Variants in FUZ observed in about 807,000 individuals in gnomAD.
The protein encoded by FUZ is protein fuzzy homolog.
In FUZ, 31 loss-of-function variants were observed where a neutral mutation model predicts 43.1. The ratio of observed to expected loss-of-function variants is 0.72; its 90% CI spans 0.54 to 0.97. FUZ has a LOEUF of 0.97. Ranked by LOEUF, FUZ falls within the 50% of genes least tolerant of loss-of-function variation. The pLI is 0.00. For missense variants in FUZ, 539 were observed against 543.8 expected (o/e 0.99, Z 0.09); for synonymous variants, 274 against 250.0 (o/e 1.10, Z -0.91).
Position 49,809,217 on chromosome 19 carries a change from C to T in FUZ, c.732G>A (p.Leu244=), listed in dbSNP as rs2073622217. The T allele has an allele frequency of 6.4e-7, 1 of 1,551,154 alleles. No homozygotes were observed. Among genetic ancestry groups the T allele is most frequent in the African/African-American group, 1.4e-5 (1 of 73,060 alleles). The change falls in exon 7 of 11, where the codon CTG becomes CTA. Residue 244 remains leucine, a synonymous_variant. Transcript: ENST00000313777. The surrounding 1 kb of genome is among the most constrained non-coding windows in gnomAD (Gnocchi z 5.1). ...TCGGCCCGCAGAGTAGACACAGCTC[C>T]AGGCTCGGCAGCAGAGTCAGGGTCA... ...RLLTLTLLPS[L]ELCLLCGPSP... is the part of the protein sequence containing the mutation.
Position 49,812,236 on chromosome 19 carries a change from A to G in FUZ, c.318+15T>C. The G allele has an allele frequency of 1.3e-6, 2 of 1,585,656 alleles. No individual in the cohort carries two copies. The highest frequency in any genetic ancestry group is 1.7e-6 in the Non-Finnish European group (2 of 1,154,986). ...ATTCCTGGTCTGGGGAGAAAAGAGGACTGGTGAGTCTCACCATGGCTCCAA... is the reference window on the plus strand; with the variant it reads ...ATTCCTGGTCTGGGGAGAAAAGAGGGCTGGTGAGTCTCACCATGGCTCCAA... On this transcript the variant is annotated intron_variant, in intron 3 of 10. Coordinates refer to ENST00000313777, the MANE Select transcript of FUZ (RefSeq NM_025129.5).
intron 10 of FUZ, 124 bp from the exon 11 acceptor site, chr19:49,807,498 G>A (rs2073449653): frequency 9.3e-6 from 9 of 968,998 alleles, no homozygotes; most frequent in Middle Eastern, 2.1e-4. Flanking sequence ...GGAGCCTCCT[G>A]CCAGGGGAGG....
Position 49,808,451 on chromosome 19 carries a change from G to C in FUZ, c.996C>G (p.Asn332Lys), listed in dbSNP as rs1450700710. 6.2e-7 allele frequency: 1 copy of C among 1,612,792 alleles called. No individual in the cohort carries two copies. ...SPEQRRRLLR[N>K]FYTLVTSTHF... ...GCGTGGAGGTGACCAGGGTATAGAA[G>C]TTTCGGAGGAGGCGCCGGCGCTGTT... Residue 332 changes from asparagine to lysine, a missense_variant, in exon 10 of 11, where the codon AAC becomes AAG. Asn to Lys is a moderately conservative substitution (Grantham distance 94). Coordinates refer to ENST00000313777, the MANE Select transcript of FUZ (RefSeq NM_025129.5).
chr19:49,811,746 ACTC>A (rs142916123), intron 3 of FUZ, 47 bp from the exon 4 acceptor site: 39,119 of 1,477,262 alleles, frequency 0.026, 1,087 homozygotes, highest in South Asian at 0.11. Context: ...TGGGACTTGA[ACTC>A]CTGGGTCTGA....
At chr19:49,808,211 G>A (rs904154305) in intron 10 of FUZ, 2 of 647,708 alleles carry the variant, frequency 3.1e-6, no homozygotes, top group Non-Finnish European at 5.6e-6. Flanking sequence ...TGATCCAGGA[G>A]ATTCTGAAGC....
Position 49,809,390 on chromosome 19 carries a change from G to A in FUZ, c.678C>T (p.His226=), listed in dbSNP as rs752722303. ...TARDYPVYLP[H]GSPTVPHRLL... is the part of the protein sequence containing the mutation. ...GCCACCCACTCACCGTGGGGCTCCC[G>A]TGCGGCAGGTACACCGGGTAGTCGC... The change falls in exon 6 of 11, where the codon CAC becomes CAT. Residue 226 remains histidine, a synonymous_variant. Coordinates refer to ENST00000313777, the MANE Select transcript of FUZ (RefSeq NM_025129.5). This position sits in a 1 kb window ranked among gnomAD's most constrained non-coding sequence, Gnocchi z 5.1. 2.8e-5 allele frequency: 43 copies of A among 1,544,066 alleles called. No individual in the cohort carries two copies. Among genetic ancestry groups the A allele is most frequent in the Non-Finnish European group, 3.5e-5 (40 of 1,146,774 alleles).
At position 49,807,097 on chromosome 19, in the gene FUZ, A is replaced by C; in HGVS notation, c.*54T>G. The C allele has an allele frequency of 6.2e-7, 1 of 1,608,676 alleles. No homozygotes were observed. Among genetic ancestry groups the C allele is most frequent in the Non-Finnish European group, 8.5e-7 (1 of 1,178,964 alleles). On this transcript the variant is annotated 3_prime_UTR_variant, in exon 11 of 11. Coordinates refer to ENST00000313777, the MANE Select transcript of FUZ (RefSeq NM_025129.5). Reference sequence around the variant, plus strand: ...GGCTGTGTATTATTGTGAGCGAATAAACAGAGAGACGCTAACAGCCCCATG... The same window carrying C: ...GGCTGTGTATTATTGTGAGCGAATACACAGAGAGACGCTAACAGCCCCATG...
chr19:49,813,139 A>G lies in FUZ; in HGVS notation c.-33T>C, dbSNP rs2073872757. The G allele has an allele frequency of 3.3e-6, 5 of 1,504,170 alleles. No individual in the cohort carries two copies. The African/African-American group carries it at 5.5e-5, about 17-fold the overall frequency. 93.2% of individuals were successfully genotyped at this position (1,504,170 alleles called of 1,614,324 possible). ...TCCCACCGCGGTCCCTCACGTGGGG[A>G]CTGTCAGTGCGGGTCTTGGAGCATG... On this transcript the variant is annotated 5_prime_UTR_variant, in exon 1 of 11. Coordinates refer to ENST00000313777, the MANE Select transcript of FUZ (RefSeq NM_025129.5).
In FUZ at chr19:49,809,939, G is replaced by A. The variant is rs1164401301; in HGVS notation, c.493-364C>T. The A allele has an allele frequency of 1.8e-5, 7 of 388,550 alleles. No homozygotes were observed. Among genetic ancestry groups the A allele is most frequent in the East Asian group, 1.3e-4 (2 of 15,956 alleles). 24.1% of individuals were successfully genotyped at this position (388,550 alleles called of 1,614,324 possible). A position where few individuals can be genotyped will look rare whatever the true frequency, so the allele number is the denominator to read the frequency against. ...CTGAGAGTCACATGCCTGGGAGGCC[G>A]CCACACCAGGCAAGTCCACAAGAGC... is the stretch of plus-strand genomic sequence containing the variant. On this transcript the variant is annotated intron_variant, in intron 5 of 10. Coordinates refer to ENST00000313777, the MANE Select transcript of FUZ (RefSeq NM_025129.5). The surrounding 1 kb of genome is among the most constrained non-coding windows in gnomAD (Gnocchi z 5.1).
At chr19:49,811,591 A>G (rs1434366910) in intron 4 of FUZ, 40 bp downstream of exon 4, 1 of 1,601,676 alleles carries the variant, frequency 6.2e-7, no homozygotes, top group Non-Finnish European at 8.6e-7. Flanking sequence ...GGCAGTGCCC[A>G]GGTATCCTAA....
At position 49,808,389 on chromosome 19, in the gene FUZ, T is replaced by A. The variant is rs376806325; in HGVS notation, c.1033+25A>T. 2.2e-5 allele frequency: 36 copies of A among 1,605,634 alleles called. No individual in the cohort carries two copies. In the African/African-American group the frequency reaches 4.0e-4, roughly 18 times the overall value. ...GGACTCAGTGTCCCCGCCTGCGCAG[T>A]GGGAGCACTGTGCCTTCCGCTGACC... On this transcript the variant is annotated intron_variant, in intron 10 of 10. Transcript: ENST00000313777.
chr19:49,810,713 G>C (rs916774809), intron 5 of FUZ, among the ~76,000 whole-genome samples: 5 of 151,558 alleles, frequency 3.3e-5, no homozygotes, highest in African/African-American at 1.2e-4. Flanking sequence ...GCTGAATGTG[G>C]TGGCACAGTG....
rs1355604469 is a variant in FUZ at position 49,809,739 on chromosome 19, T to C, written c.493-164A>G. ...CCTCTCTGAGCCTGAGTTCCTTCAC[T>C]TTCATACGAAGTCACATCCCCAACT... On this transcript the variant is annotated intron_variant, in intron 5 of 10. Coordinates refer to ENST00000313777, the MANE Select transcript of FUZ (RefSeq NM_025129.5). The surrounding 1 kb of genome is among the most constrained non-coding windows in gnomAD (Gnocchi z 5.1). The C allele has an allele frequency of 8.7e-6, 6 of 689,834 alleles. No individual in the cohort carries two copies. The highest frequency in any genetic ancestry group is 1.7e-5 in the South Asian group (1 of 58,662). The allele number at this position is 689,834 out of a possible 1,614,324, so 42.7% of individuals were successfully genotyped here.
In FUZ at chr19:49,807,045, G is replaced by T. The variant is rs1192292625; in HGVS notation, c.*106C>A. ...TCCCCTCCCACCCCACCCTGTTGTA[G>T]CCCCTCCTACCCCCTCCCCATCCAG... On this transcript the variant is annotated 3_prime_UTR_variant, in exon 11 of 11. Transcript: ENST00000313777. The T allele has an allele frequency of 1.6e-6, 1 of 629,078 alleles. No individual in the cohort carries two copies. Among genetic ancestry groups the T allele is most frequent in the Non-Finnish European group, 2.6e-6 (1 of 382,246 alleles). The allele number at this position is 629,078 out of a possible 1,614,324, so 39.0% of individuals were successfully genotyped here.
intron 10 of FUZ, among the ~76,000 whole-genome samples, chr19:49,807,902 T>G (rs1270775046): frequency 6.6e-6 from 1 of 152,104 alleles, no homozygotes; most frequent in Non-Finnish European, 1.5e-5. Context: ...CTACGACAAT[T>G]TTTCCGTTCT....
intron 10 of FUZ, 52 bp downstream of exon 10, chr19:49,808,362 T>C (rs998875511): frequency 8.3e-6 from 13 of 1,563,582 alleles, no homozygotes; most frequent in Non-Finnish European, 1.0e-5. Flanking sequence ...TTGTGCGACC[T>C]GGGACTCAGT....
intron 2 of FUZ, 103 bp downstream of exon 2, chr19:49,812,512 C>CA: frequency 6.5e-7 from 1 of 1,540,630 alleles, no homozygotes; most frequent in South Asian, 1.1e-5. Flanking sequence ...ATCCCATAGC[C>CA]AAATTAACAG....
At chr19:49,812,896 A>G in intron 1 of FUZ, 100 bp downstream of exon 1, 1 of 1,356,332 alleles carries the variant, frequency 7.4e-7, no homozygotes, top group Non-Finnish European at 1.0e-6. Flanking sequence ...TCGGTCCTAC[A>G]AATTCAACAC....
rs2073595109 is a variant in FUZ at position 49,808,958 on chromosome 19, AG to A, written c.787-136del. ...GCAAGAAGAGTGGAGGGCGGAGGGC[AG>A]AAGGGACTGGGGAAGGGGCGAGGCC... On this transcript the variant is annotated intron_variant, in intron 7 of 10. Transcript: ENST00000313777. 3 of 874,972 alleles carry A rather than the reference AG, an allele frequency of 3.4e-6. No individual in the cohort carries two copies. The South Asian group carries it at 4.3e-5, about 13-fold the overall frequency. The allele number at this position is 874,972 out of a possible 1,614,324, so 54.2% of individuals were successfully genotyped here. A position where few individuals can be genotyped will look rare whatever the true frequency, so the allele number is the denominator to read the frequency against.
Sources: allele counts gnomAD v4.1 joint callset (sites outside exome capture counted in the v4.1 genomes callset), GRCh38; gene constraint gnomAD v4.1.1; non-coding constraint Gnocchi (gnomAD v3.1); transcripts MANE v1.5; gene names NCBI Gene and HGNC (gene_info 2026-07-23, HGNC 2026-07-21).